The following CERS3 variants were observed in gnomAD, a reference collection of about 807,000 sequenced individuals.
CERS3 encodes the protein LAG1 homolog, ceramide synthase 3.
Under a neutral mutation model 50.3 loss-of-function variants are expected in CERS3, and 33 were observed. That is an observed-to-expected ratio of 0.66 (90% confidence interval 0.50 to 0.88). The LOEUF (loss-of-function observed/expected upper bound fraction) is 0.88, where lower values mean the gene tolerates loss of function less well. Among genes scored for constraint, CERS3 ranks in the 40% least tolerant of loss-of-function variants. CERS3 has a pLI of 0.00. For synonymous variants in CERS3, 176 were observed against 155.2 expected (o/e 1.13, Z -0.99); for missense variants, 470 against 460.3 (o/e 1.02, Z -0.19).
intron 11 of CERS3, among the ~76,000 whole-genome samples, chr15:100,445,115 T>C (rs1202055373): frequency 6.6e-6 from 1 of 151,422 alleles, no homozygotes; most frequent in South Asian, 2.1e-4. Context: ...AATTCAGGCC[T>C]GTCCTTGGAA....
intron 2 of CERS3, among the ~76,000 whole-genome samples, chr15:100,509,204 C>A (rs2142353424): frequency 6.6e-6 from 1 of 152,276 alleles, no homozygotes; most frequent in South Asian, 2.1e-4. Flanking sequence ...TGAGCTACTT[C>A]CTCAGATGGA....
intron 11 of CERS3, among the ~76,000 whole-genome samples, chr15:100,444,956 A>G (rs62036041): frequency 0.46 from 68,949 of 151,016 alleles, 16,514 homozygotes; most frequent in Non-Finnish European, 0.54. Context: ...TCAGGTTCTT[A>G]GTATTCAGTG....
At chr15:100,414,062 AAGG>A (rs1314237258) in intron 11 of CERS3, among the ~76,000 whole-genome samples, 1 of 152,164 alleles carries the variant, frequency 6.6e-6, no homozygotes, top group African/African-American at 2.4e-5. Flanking sequence ...CCAAAAAATC[AAGG>A]AGGAGGGACT....
At position 100,402,777 on chromosome 15, in the gene CERS3, T is replaced by G; in HGVS notation, c.1088A>C (p.Asp363Ala). Residue 363 changes from aspartate to alanine, a missense_variant, in exon 12 of 12, where the codon GAT (aspartate) becomes GCT (alanine). Coordinates refer to ENST00000679737, the MANE Select transcript of CERS3 (RefSeq NM_001378789.1). Reference sequence around the variant, plus strand: ...AGCCCTGAGGCCGTTCTTTAAACAATCCATCTCTTTGCCTTTGGTAGCCTC... The same window carrying G: ...AGCCCTGAGGCCGTTCTTTAAACAAGCCATCTCTTTGCCTTTGGTAGCCTC... Reference protein sequence around the residue: ...EEEATKGKEMDCLKNGLRAER... With the variant: ...EEEATKGKEMACLKNGLRAER... 6.2e-7 allele frequency: 1 copy of G among 1,614,192 alleles called. No individual in the cohort carries two copies. The highest frequency in any genetic ancestry group is 8.5e-7 in the Non-Finnish European group (1 of 1,180,034).
intron 11 of CERS3, among the ~76,000 whole-genome samples, chr15:100,429,627 C>A (rs1323110675): frequency 6.6e-6 from 1 of 152,184 alleles, no homozygotes; most frequent in Non-Finnish European, 1.5e-5. Flanking sequence ...TCTGTGTACT[C>A]CCTTCAAACA....
intron 11 of CERS3, among the ~76,000 whole-genome samples, chr15:100,427,108 G>A (rs2032857326): frequency 6.6e-6 from 1 of 152,164 alleles, no homozygotes; most frequent in Non-Finnish European, 1.5e-5. Context: ...GTCAGCCGAG[G>A]GGTGTGTGCC....
intron 1 of CERS3, among the ~76,000 whole-genome samples, chr15:100,540,713 C>A (rs147262667): frequency 6.6e-6 from 1 of 152,156 alleles, no homozygotes; most frequent in Non-Finnish European, 1.5e-5. Context: ...CCTATGTGCG[C>A]GTACAGGTAT....
At position 100,479,454 on chromosome 15, in the gene CERS3, C is replaced by T; in HGVS notation, c.490G>A (p.Glu164Lys). 2 of 1,604,066 alleles carry T rather than the reference C, an allele frequency of 1.2e-6. No individual in the cohort carries two copies. The highest frequency in any genetic ancestry group is 2.7e-5 in the African/African-American group (2 of 73,750). ...TGTTTGGGATAGCCATTCCAAACCT[C>T]CCATAAGTCATATAGCCAAGGTTTC... ...YDKPWLYDLW[E>K]VWNGYPKQPL... The change falls in exon 7 of 12, where the codon GAG becomes AAG. Residue 164 changes from glutamate (E) to lysine (K), a missense_variant. Physicochemically the swap from Glu to Lys is moderately conservative, Grantham distance 56 (BLOSUM62 1). Transcript: ENST00000679737.
intron 1 of CERS3, among the ~76,000 whole-genome samples, chr15:100,527,333 G>A (rs760509992): frequency 1.3e-5 from 2 of 152,122 alleles, no homozygotes; most frequent in East Asian, 1.9e-4. Context: ...ACTTGCCAGG[G>A]TCATAGTTAG....
At chr15:100,452,308 T>C (rs2034202109) in intron 11 of CERS3, among the ~76,000 whole-genome samples, 1 of 151,994 alleles carries the variant, frequency 6.6e-6, no homozygotes, top group Non-Finnish European at 1.5e-5. Flanking sequence ...GAACTATAAA[T>C]CAATAATAAG....
intron 2 of CERS3, among the ~76,000 whole-genome samples, chr15:100,506,977 C>T (rs1162106803): frequency 6.6e-6 from 1 of 152,018 alleles, no homozygotes. Context: ...AGTTAAGAAG[C>T]CTCCTTCTCA....
At chr15:100,532,116 G>A (rs1203348622), upstream of CERS3, among the ~76,000 whole-genome samples, 2 of 152,166 alleles carry the variant, frequency 1.3e-5, no homozygotes, top group African/African-American at 4.8e-5. Flanking sequence ...GGCGCCAGCA[G>A]CAAGACACAG....
intron 11 of CERS3, among the ~76,000 whole-genome samples, chr15:100,418,024 C>T (rs2032094517): frequency 6.6e-6 from 1 of 152,072 alleles, no homozygotes. Context: ...CGCAGAGCAC[C>T]TCTCCTCCTC....
Position 100,430,117 on chromosome 15 carries a change from C to T in CERS3, c.999+25776G>A, listed in dbSNP as rs1056459217. On this transcript the variant is annotated intron_variant, in intron 11 of 11. Transcript: ENST00000679737. ...CACGAGGTCAGGAGATCGAGACCAT[C>T]CTGGCTAACACGGTGGAACCCTGTC... Among the ~76,000 whole-genome samples the T allele has an allele frequency of 5.9e-5, 9 of 151,994 alleles. No homozygotes were observed. In the South Asian group the frequency reaches 6.2e-4, roughly 11 times the overall value.
intron 2 of CERS3, among the ~76,000 whole-genome samples, chr15:100,516,220 T>C (rs945913441): frequency 3.3e-5 from 5 of 152,188 alleles, no homozygotes; most frequent in Non-Finnish European, 7.3e-5. Flanking sequence ...AAGCTGGCAA[T>C]TGATGGACAC....
chr15:100,450,144 G>T (rs983519569), intron 11 of CERS3, among the ~76,000 whole-genome samples: 5 of 152,162 alleles, frequency 3.3e-5, no homozygotes, highest in African/African-American at 9.7e-5. Flanking sequence ...AGATTGGCCA[G>T]GTGTGGTGGC....
At chr15:100,520,343 G>A (rs2036606054) in intron 2 of CERS3, among the ~76,000 whole-genome samples, 1 of 152,128 alleles carries the variant, frequency 6.6e-6, no homozygotes, top group Non-Finnish European at 1.5e-5. Flanking sequence ...AAATGTTAGG[G>A]GTAGGCCTGT....
rs188684689 is a variant in CERS3, at chr15:100,527,485, G to T, written c.-92+1328C>A. Among the ~76,000 whole-genome samples the T allele has an allele frequency of 3.9e-5, 6 of 152,272 alleles. No homozygotes were observed. The East Asian group carries it at 9.7e-4, about 24-fold the overall frequency. ...CCTTTTGTTATAAGACACCAAATTC[G>T]AGTATTTGAATATTATCATAGCTTC... is the stretch of plus-strand genomic sequence containing the variant. On this transcript the variant is annotated intron_variant, in intron 1 of 11. Transcript: ENST00000679737.
intron 11 of CERS3, among the ~76,000 whole-genome samples, chr15:100,432,852 AC>A (rs1260273577): frequency 6.6e-6 from 1 of 152,218 alleles, no homozygotes; most frequent in African/African-American, 2.4e-5. Flanking sequence ...CTGAGGGGCT[AC>A]CATCTGGTTC....
Sources: gnomAD v4.1 joint callset for allele counts (sites outside exome capture counted in the v4.1 genomes callset) on GRCh38, gnomAD v4.1.1 for gene constraint, MANE v1.5 for transcripts, NCBI Gene and HGNC (gene_info 2026-07-23, HGNC 2026-07-21) for gene names.